CRYBG1: variants seen among roughly 807,000 people sequenced by gnomAD.
The protein encoded by CRYBG1 is beta/gamma crystallin domain-containing protein 1.
A neutral mutation model predicts 189.2 loss-of-function variants in CRYBG1; 139 were observed. That is an observed-to-expected ratio of 0.73 (90% CI 0.64 to 0.85). The LOEUF is 0.85. Ranked by LOEUF, CRYBG1 falls within the 40% of genes least tolerant of loss-of-function variation. CRYBG1 has a pLI of 0.00. For missense variants in CRYBG1, 2,611 were observed against 2,675.8 expected, an observed-to-expected ratio of 0.98 and a Z score of 0.53; for synonymous variants, 1,023 against 1,017.1, an observed-to-expected ratio of 1.01 and a Z score of -0.11.
At chr6:106,362,072 G>C (rs181155724) in intron 1 of CRYBG1, among the ~76,000 whole-genome samples, 4,804 of 149,070 alleles carry the variant, frequency 0.032, 175 homozygotes, top group East Asian at 0.16. Context: ...CCGGGTTCAC[G>C]CCATTCTCCT....
At chr6:106,537,361 A>T (rs183285104) in intron 8 of CRYBG1, among the ~76,000 whole-genome samples, 2 of 152,180 alleles carry the variant, frequency 1.3e-5, no homozygotes, top group Admixed American at 1.3e-4. Context: ...GCCTAATACC[A>T]TAATGTGTTA....
At chr6:106,422,336 A>ATTTTTTTTTTTTTTTTTTTTTTTTTTT (rs1249392678) in intron 1 of CRYBG1, among the ~76,000 whole-genome samples, 1 of 100,710 alleles carries the variant, frequency 9.9e-6, no homozygotes, top group African/African-American at 3.6e-5. Flanking sequence ...TTATTTATTT[A>ATTTTTTTTTTTTTTTTTTTTTTTTTTT]TTTATTTATT....
At chr6:106,532,873 GA>G (rs1319558848) in intron 8 of CRYBG1, among the ~76,000 whole-genome samples, 10 of 152,056 alleles carry the variant, frequency 6.6e-5, no homozygotes, top group Non-Finnish European at 1.5e-4. Context: ...AAGAAATTGG[GA>G]CTTTAACAAA....
Position 106,463,723 on chromosome 6 carries a change from G to A in CRYBG1, c.312+11891G>A, listed in dbSNP as rs1302365543. Among the ~76,000 whole-genome samples, 3 of 152,172 alleles carry A rather than the reference G, an allele frequency of 2.0e-5. No homozygotes were observed. The East Asian group carries it at 5.8e-4, about 29-fold the overall frequency. On this transcript the variant is annotated intron_variant, in intron 2 of 21. Coordinates refer to ENST00000633556, the MANE Select transcript of CRYBG1 (RefSeq NM_001371242.2). Reference sequence around the variant, plus strand: ...TTGTTTCTTGCATTTAAGACTGCAGGAAAGGGATTTAGTATTTTAATTATT... The same window carrying A: ...TTGTTTCTTGCATTTAAGACTGCAGAAAAGGGATTTAGTATTTTAATTATT...
intron 1 of CRYBG1, among the ~76,000 whole-genome samples, chr6:106,447,830 C>T (rs1347896172): frequency 6.6e-6 from 1 of 151,992 alleles, no homozygotes; most frequent in Non-Finnish European, 1.5e-5. Flanking sequence ...AATTGTTCAC[C>T]TTTGTGTGCT....
In CRYBG1 at chr6:106,555,898, G is replaced by T. The variant is rs145609128; in HGVS notation, c.5715+1G>T. ...CAAGTCTCTTCGTTTTATAGATGTT[G>T]TAAGTATGTCATTGTGAATAGTGTT... On this transcript the variant is annotated splice_donor_variant, in intron 17 of 21. Coordinates refer to ENST00000633556, the MANE Select transcript of CRYBG1 (RefSeq NM_001371242.2). LOFTEE classifies it high-confidence loss of function. The T allele has an allele frequency of 3.7e-6, 6 of 1,614,168 alleles. No homozygotes were observed. The highest frequency in any genetic ancestry group is 2.2e-5 in the East Asian group (1 of 44,888).
At chr6:106,409,605 G>A (rs1206120598) in intron 1 of CRYBG1, among the ~76,000 whole-genome samples, 1 of 152,060 alleles carries the variant, frequency 6.6e-6, no homozygotes, top group Non-Finnish European at 1.5e-5. Flanking sequence ...GAGGCTTCAT[G>A]CTACCTGACT....
At position 106,510,880 on chromosome 6, in the gene CRYBG1, G is replaced by A. The variant is rs184931757; in HGVS notation, c.313-550G>A. ...CTTGCTTCCTCCGAGCTTGCTTAAG[G>A]TTTTCATGTTGCAAGTACTAGATGT... On this transcript the variant is annotated intron_variant, in intron 2 of 21. Transcript: ENST00000633556. 1.7e-3 allele frequency among the ~76,000 whole-genome samples: 262 copies of A among 152,310 alleles called. 2 individuals carry two copies. The highest frequency in any genetic ancestry group is 4.6e-3 in the South Asian group (22 of 4,828).
rs576018415 is a variant in CRYBG1, at chr6:106,467,481, A to G, written c.312+15649A>G. 8.5e-5 allele frequency among the ~76,000 whole-genome samples: 13 copies of G among 152,234 alleles called. No individual in the cohort carries two copies. In the East Asian group the frequency reaches 2.5e-3, roughly 29 times the overall value. ...AGTAAGACCCTGTCTCAAAGAAAAG[A>G]AAAAAGAAAAGAAAACAAAAAGAGA... On this transcript the variant is annotated intron_variant, in intron 2 of 21. Transcript: ENST00000633556.
chr6:106,525,183 A>G lies in CRYBG1; in HGVS notation c.4293+3A>G, dbSNP rs747040376. On this transcript the variant is annotated splice_donor_region_variant and intron_variant, in intron 5 of 21. Coordinates refer to ENST00000633556, the MANE Select transcript of CRYBG1 (RefSeq NM_001371242.2). ...AACTCAATCCCCGACCTGGAAAGGT[A>G]AGATTATTTTCTGTTTCTAGTCTTG... is the stretch of plus-strand genomic sequence containing the variant. The G allele has an allele frequency of 6.2e-7, 1 of 1,614,122 alleles. No homozygotes were observed. The highest frequency in any genetic ancestry group is 8.5e-7 in the Non-Finnish European group (1 of 1,179,996).
chr6:106,508,094 T>C (rs12207629), intron 2 of CRYBG1, among the ~76,000 whole-genome samples: 36,721 of 152,062 alleles, frequency 0.24, 5,051 homozygotes, highest in Non-Finnish European at 0.31. Context: ...AAGTTAAAAA[T>C]TAGCTGGGCA....
intron 1 of CRYBG1, among the ~76,000 whole-genome samples, chr6:106,433,757 GTGTA>G (rs1234928228): frequency 8.5e-5 from 2 of 23,536 alleles, no homozygotes; most frequent in African/African-American, 2.2e-4. Flanking sequence ...ATATATATAT[GTGTA>G]TATATATATA....
At chr6:106,477,499 C>T (rs1274921401) in intron 2 of CRYBG1, among the ~76,000 whole-genome samples, 3 of 152,152 alleles carry the variant, frequency 2.0e-5, no homozygotes, top group African/African-American at 7.2e-5. Context: ...TAGTTTTATT[C>T]AGTCTACTTC....
At chr6:106,460,583 A>G (rs1017470775) in intron 2 of CRYBG1, among the ~76,000 whole-genome samples, 3 of 152,090 alleles carry the variant, frequency 2.0e-5, no homozygotes, top group South Asian at 2.1e-4. Flanking sequence ...AATTGTAATG[A>G]GAAACCCAGA....
rs1775035300 is a variant in CRYBG1 at position 106,570,765 on chromosome 6, T to TC, written c.*2200dup. 6.6e-6 allele frequency: 1 copy of TC among 152,162 alleles called. No individual in the cohort carries two copies. Among genetic ancestry groups the TC allele is most frequent in the Non-Finnish European group, 1.5e-5 (1 of 68,028 alleles). 9.4% of individuals were successfully genotyped at this position (152,162 alleles called of 1,614,324 possible). A position where few individuals can be genotyped will look rare whatever the true frequency, so the allele number is the denominator to read the frequency against. On this transcript the variant is annotated 3_prime_UTR_variant, in exon 22 of 22. Coordinates refer to ENST00000633556, the MANE Select transcript of CRYBG1 (RefSeq NM_001371242.2). ...ACACCTGGAAAATCAGATTTTTTTT[T>TC]CTTTTGCAATAACTCGGTAGTAAGA...
At chr6:106,438,207 G>A (rs532960046) in intron 1 of CRYBG1, among the ~76,000 whole-genome samples, 60 of 152,282 alleles carry the variant, frequency 3.9e-4, no homozygotes, top group South Asian at 8.3e-4. Flanking sequence ...TCCCTAAAAA[G>A]ATCTCTTCCT....
chr6:106,372,720 A>G (rs1311164981), intron 1 of CRYBG1, among the ~76,000 whole-genome samples: 1 of 152,230 alleles, frequency 6.6e-6, no homozygotes, highest in Non-Finnish European at 1.5e-5. Context: ...AAACTAAATA[A>G]ACATAAGGAC....
chr6:106,411,416 A>T (rs12193577), intron 1 of CRYBG1, among the ~76,000 whole-genome samples: 12,294 of 152,126 alleles, frequency 0.081, 636 homozygotes, highest in East Asian at 0.15. Context: ...TTTCTTCAGG[A>T]CTCGGCAATT....
chr6:106,527,031 T>G (rs927084839), intron 6 of CRYBG1, among the ~76,000 whole-genome samples: 2 of 151,028 alleles, frequency 1.3e-5, no homozygotes, highest in African/African-American at 4.9e-5. Flanking sequence ...TCTCTACCAC[T>G]TGGCAATTAC....
Sources: allele counts gnomAD v4.1 joint callset (sites outside exome capture counted in the v4.1 genomes callset), GRCh38; gene constraint gnomAD v4.1.1; transcripts MANE v1.5; gene names NCBI Gene and HGNC (gene_info 2026-07-23, HGNC 2026-07-21).